Variants in USP6NL observed in about 807,000 individuals in gnomAD.
USP6NL encodes the protein USP6 N-terminal like, also known as USP6 N-terminal-like protein.
USP6NL carries 26 observed loss-of-function variants against 61.9 expected under a neutral mutation model. The observed-to-expected ratio is 0.42, with a 90% CI of 0.31 to 0.58. USP6NL has a LOEUF of 0.58. Ranked by LOEUF, USP6NL falls within the 20% of genes least tolerant of loss-of-function variation. USP6NL has a pLI of 0.16. For synonymous variants in USP6NL, 432 were observed against 390.1 expected, an observed-to-expected ratio of 1.11 and a Z score of -1.27; for missense variants, 1,114 against 1,034.3, an observed-to-expected ratio of 1.08 and a Z score of -1.06.
chr10:11,590,670 A>G (rs538456206), intron 2 of USP6NL, among the ~76,000 whole-genome samples: 1 of 152,304 alleles, frequency 6.6e-6, no homozygotes, highest in East Asian at 1.9e-4. Flanking sequence ...AGATTCAAGA[A>G]GAAAACTGTA....
intron 13 of USP6NL, among the ~76,000 whole-genome samples, chr10:11,483,663 GTAGGGA>G (rs1833332925): frequency 1.4e-5 from 1 of 69,960 alleles, no homozygotes; most frequent in Non-Finnish European, 2.8e-5. Context: ...GGGGAGAGGG[GTAGGGA>G]GGGAGGGAGA....
rs1372394040 is a variant in USP6NL, at chr10:11,510,470, C to T, written c.196-795G>A. Among the ~76,000 whole-genome samples the T allele has an allele frequency of 6.6e-6, 1 of 152,132 alleles. No homozygotes were observed. The highest frequency in any genetic ancestry group is 1.5e-5 in the Non-Finnish European group (1 of 68,028). On this transcript the variant is annotated intron_variant, in intron 5 of 14. Transcript: ENST00000609104. The surrounding 1 kb of genome is among the most constrained non-coding windows in gnomAD (Gnocchi z 4.8). ...CAGCTCCAAAGGGTTTACAAAAAAG[C>T]ATCAGGACACCAGGCTGCCAAAGTT...
intron 14 of USP6NL, among the ~76,000 whole-genome samples, chr10:11,464,663 G>GA (rs1832369529): frequency 6.6e-6 from 1 of 152,212 alleles, no homozygotes; most frequent in South Asian, 2.1e-4. Context: ...TGTGAACTGT[G>GA]AAAGAGCAAG....
chr10:11,597,561 T>C lies in USP6NL; in HGVS notation c.4+70A>G. ...ATTCCAATTTATTCAGTAACATGTT[T>C]TTCTTCTCCTAAGCACAATACAGCA... On this transcript the variant is annotated intron_variant, in intron 2 of 14. Transcript: ENST00000609104. The surrounding 1 kb of genome is among the most constrained non-coding windows in gnomAD (Gnocchi z 4.6). 6.7e-7 allele frequency: 1 copy of C among 1,492,396 alleles called. No homozygotes were observed. The allele number at this position is 1,492,396 out of a possible 1,614,324, so 92.4% of individuals were successfully genotyped here. A position where few individuals can be genotyped will look rare whatever the true frequency, so the allele number is the denominator to read the frequency against.
At chr10:11,466,799 C>T (rs1037854038) in intron 14 of USP6NL, among the ~76,000 whole-genome samples, 2 of 152,190 alleles carry the variant, frequency 1.3e-5, no homozygotes, top group African/African-American at 2.4e-5. Flanking sequence ...CAAACACATA[C>T]AGCATGTTAC....
rs1190810728 is a variant in USP6NL at position 11,596,565 on chromosome 10, A to C, written c.4+1066T>G. Among the ~76,000 whole-genome samples the C allele has an allele frequency of 6.6e-6, 1 of 151,128 alleles. No homozygotes were observed. The highest frequency in any genetic ancestry group is 1.5e-5 in the Non-Finnish European group (1 of 67,848). On this transcript the variant is annotated intron_variant, in intron 2 of 14. Transcript: ENST00000609104. This position sits in a 1 kb window ranked among gnomAD's most constrained non-coding sequence, Gnocchi z 4.1. ...CGCGAACCCAGGAGGTGGAGCTTGC[A>C]GTGAGCGGAGATGGTGCCACTGCAC...
chr10:11,544,492 T>C (rs998311420), intron 2 of USP6NL, among the ~76,000 whole-genome samples: 4 of 152,082 alleles, frequency 2.6e-5, no homozygotes, highest in Non-Finnish European at 4.4e-5. Context: ...TTCTCTCTTT[T>C]CTTTTTTTTT....
chr10:11,571,400 T>C (rs866962668), intron 2 of USP6NL, among the ~76,000 whole-genome samples: 11 of 152,166 alleles, frequency 7.2e-5, no homozygotes, highest in Admixed American at 1.3e-4. Flanking sequence ...AAATAATTTT[T>C]AACCATATCC....
At position 11,536,995 on chromosome 10, in the gene USP6NL, T is replaced by C. The variant is rs151023936; in HGVS notation, c.5-9428A>G. On this transcript the variant is annotated intron_variant, in intron 2 of 14. Coordinates refer to ENST00000609104, the MANE Select transcript of USP6NL (RefSeq NM_014688.5). ...AGGGACAGCCAGTGAAAGCAAGATA[T>C]GTGAAAGACCCAGTGCCATCAACCC... 2.5e-3 allele frequency among the ~76,000 whole-genome samples: 385 copies of C among 152,330 alleles called. 2 individuals are homozygous for C. Among genetic ancestry groups the C allele is most frequent in the African/African-American group, 8.4e-3 (348 of 41,574 alleles).
rs554398509 is a variant in USP6NL at position 11,485,878 on chromosome 10, C to A, written c.698G>T (p.Arg233Met). ...FFVQGFPKLL[R>M]FQEHHEKILN... is the part of the protein sequence containing the mutation. ...TATTTTTTCATGATGTTCTTGAAAC[C>A]TCAAGAGTTTAGGAAAACCTTGGAC... Residue 233 changes from arginine to methionine, a missense_variant, in exon 11 of 15, where the codon AGG (arginine) becomes ATG (methionine). By Grantham distance (91) the Arg-to-Met change is moderately conservative. Transcript: ENST00000609104. This position sits in a 1 kb window ranked among gnomAD's most constrained non-coding sequence, Gnocchi z 4.8. The A allele has an allele frequency of 1.3e-6, 2 of 1,554,590 alleles. No homozygotes were observed. Among genetic ancestry groups the A allele is most frequent in the Admixed American group, 2.0e-5 (1 of 50,244 alleles).
chr10:11,545,840 T>C (rs1207977665), intron 2 of USP6NL, among the ~76,000 whole-genome samples: 1 of 148,620 alleles, frequency 6.7e-6, no homozygotes, highest in Non-Finnish European at 1.5e-5. Flanking sequence ...TCCTGTGAAC[T>C]TGTATTTGCA....
chr10:11,468,172 C>G lies in USP6NL; in HGVS notation c.1079-4323G>C, dbSNP rs796188947. On this transcript the variant is annotated intron_variant, in intron 14 of 14. Coordinates refer to ENST00000609104, the MANE Select transcript of USP6NL (RefSeq NM_014688.5). The surrounding 1 kb of genome is among the most constrained non-coding windows in gnomAD (Gnocchi z 4.5). ...TTTATTGATTCTTGCCTCAGACAGG[C>G]ATCATGTTTACTTGTCTGTGATTTA... 6.6e-6 allele frequency among the ~76,000 whole-genome samples: 1 copy of G among 152,170 alleles called. No individual in the cohort carries two copies.
At chr10:11,578,993 C>T (rs1837649994) in intron 2 of USP6NL, among the ~76,000 whole-genome samples, 1 of 152,134 alleles carries the variant, frequency 6.6e-6, no homozygotes, top group African/African-American at 2.4e-5. Context: ...GGTTTTCCCC[C>T]TCCCACACTC....
chr10:11,581,421 A>T (rs1364257598), intron 2 of USP6NL, among the ~76,000 whole-genome samples: 1 of 152,274 alleles, frequency 6.6e-6, no homozygotes, highest in Admixed American at 6.5e-5. Context: ...TCTTTTGATC[A>T]TACGAATAAC....
intron 2 of USP6NL, among the ~76,000 whole-genome samples, chr10:11,542,823 G>A (rs1836120545): frequency 6.6e-6 from 1 of 152,154 alleles, no homozygotes; most frequent in Non-Finnish European, 1.5e-5. Context: ...CCAGCAACAG[G>A]AATGGCTATT....
intron 1 of USP6NL, among the ~76,000 whole-genome samples, chr10:11,610,490 C>T (rs996727356): frequency 6.6e-6 from 1 of 152,130 alleles, no homozygotes; most frequent in East Asian, 1.9e-4. Flanking sequence ...CTCTAAAGTT[C>T]TGTGTAACTT....
rs1835490610 is a variant in USP6NL, at chr10:11,528,069, T to C, written c.5-502A>G. ...AACAGCCTCAACTGCTATAACAATC[T>C]CCTAACCGGTCTCTAGGACTCCAGT... On this transcript the variant is annotated intron_variant, in intron 2 of 14. Transcript: ENST00000609104. The surrounding 1 kb of genome is among the most constrained non-coding windows in gnomAD (Gnocchi z 4.6). Among the ~76,000 whole-genome samples the C allele has an allele frequency of 6.6e-6, 1 of 151,832 alleles. No homozygotes were observed. The highest frequency in any genetic ancestry group is 2.4e-5 in the African/African-American group (1 of 41,322).
chr10:11,564,790 T>C (rs879883992), intron 2 of USP6NL: 2 of 152,236 alleles, frequency 1.3e-5, no homozygotes, highest in Non-Finnish European at 2.9e-5. Context: ...CTGAGAACAC[T>C]GAGTACCTTC....
In USP6NL at chr10:11,525,709, C is replaced by T. The variant is rs953077918; in HGVS notation, c.73-241G>A. ...TGCTGTGTGTCAGCAGCAGCTGACGCGGAGCTGAGCCAGGATCAGGCCAGG... is the reference window on the plus strand; with the variant it reads ...TGCTGTGTGTCAGCAGCAGCTGACGTGGAGCTGAGCCAGGATCAGGCCAGG... On this transcript the variant is annotated intron_variant, in intron 3 of 14. Coordinates refer to ENST00000609104, the MANE Select transcript of USP6NL (RefSeq NM_014688.5). The surrounding 1 kb of genome is among the most constrained non-coding windows in gnomAD (Gnocchi z 5.0). Among the ~76,000 whole-genome samples, 1 of 152,008 alleles carries T rather than the reference C, an allele frequency of 6.6e-6. No individual in the cohort carries two copies. Among genetic ancestry groups the T allele is most frequent in the Admixed American group, 6.5e-5 (1 of 15,276 alleles).
Sources: allele counts gnomAD v4.1 joint callset (sites outside exome capture counted in the v4.1 genomes callset), GRCh38; gene constraint gnomAD v4.1.1; non-coding constraint Gnocchi (gnomAD v3.1); transcripts MANE v1.5; gene names NCBI Gene and HGNC (gene_info 2026-07-23, HGNC 2026-07-21).